CACNA1C: variants seen among roughly 807,000 people sequenced by gnomAD.
CACNA1C encodes the protein calcium voltage-gated channel subunit alpha1 C, also known as voltage-dependent L-type calcium channel subunit alpha-1C.
Under a neutral mutation model 229.0 loss-of-function variants are expected in CACNA1C, and 30 were observed. The ratio of observed to expected loss-of-function variants is 0.13; its 90% CI spans 0.10 to 0.18. The LOEUF (loss-of-function observed/expected upper bound fraction) is 0.18, where lower values mean the gene tolerates loss of function less well. Ranked by LOEUF, CACNA1C falls within the 10% of genes least tolerant of loss-of-function variation. The pLI is 1.00. For missense variants in CACNA1C, 1,658 were observed against 2,845.0 expected, an observed-to-expected ratio of 0.58 and a Z score of 9.49; for synonymous variants, 1,114 against 1,132.5, an observed-to-expected ratio of 0.98 and a Z score of 0.33.
At chr12:2,441,063 C>T (rs2154561013) in intron 3 of CACNA1C, among the ~76,000 whole-genome samples, 1 of 152,328 alleles carries the variant, frequency 6.6e-6, no homozygotes, top group Middle Eastern at 3.4e-3. Flanking sequence ...ATACAGCGTG[C>T]TGCTTGAGGT....
intron 39 of CACNA1C, among the ~76,000 whole-genome samples, chr12:2,675,583 CG>C (rs2096766086): frequency 6.6e-6 from 1 of 152,182 alleles, no homozygotes; most frequent in Non-Finnish European, 1.5e-5. Flanking sequence ...TTCCAAAATG[CG>C]AACCTCTCTT....
At chr12:2,306,679 A>G (rs1233826683) in intron 3 of CACNA1C, among the ~76,000 whole-genome samples, 1 of 152,112 alleles carries the variant, frequency 6.6e-6, no homozygotes, top group Non-Finnish European at 1.5e-5. Context: ...GCTGGATAAA[A>G]TTTTCTTGTA....
At chr12:2,629,922 G>A (rs143136132) in intron 29 of CACNA1C, among the ~76,000 whole-genome samples, 199 of 152,324 alleles carry the variant, frequency 1.3e-3, no homozygotes, top group Middle Eastern at 0.01. Flanking sequence ...TAGGTACTGG[G>A]ACCTGCCCTG....
At chr12:2,019,191 G>A (rs1318600329) in intron 1 of CACNA1C, among the ~76,000 whole-genome samples, 1 of 152,168 alleles carries the variant, frequency 6.6e-6, no homozygotes, top group African/African-American at 2.4e-5. Flanking sequence ...GCTGGGTACA[G>A]TGGCTCACAC....
Position 2,053,448 on chromosome 12 carries a change from A to T in CACNA1C, c.-115A>T. ...ACGCTGCAGACCACGGCTTCCTCGA[A>T]TCTTGCGCGAAAGCCGCCGGCCTCG... On this transcript the variant is annotated 5_prime_UTR_variant, in exon 1 of 47. Transcript: ENST00000399655. The surrounding 1 kb of genome is among the most constrained non-coding windows in gnomAD (Gnocchi z 5.8). The T allele has an allele frequency of 6.8e-7, 1 of 1,475,328 alleles. No homozygotes were observed. The allele number at this position is 1,475,328 out of a possible 1,614,324, so 91.4% of individuals were successfully genotyped here. A position where few individuals can be genotyped will look rare whatever the true frequency, so the allele number is the denominator to read the frequency against.
intron 11 of CACNA1C, among the ~76,000 whole-genome samples, chr12:2,557,644 G>A (rs1358822936): frequency 6.6e-6 from 1 of 152,220 alleles, no homozygotes; most frequent in Non-Finnish European, 1.5e-5. Context: ...CAGACCCTCA[G>A]ATGTGACTGC....
rs982505176 is a variant in CACNA1C, at chr12:2,298,930, C to G, written c.478-150046C>G. 1.8e-4 allele frequency among the ~76,000 whole-genome samples: 27 copies of G among 152,230 alleles called. 1 individual carries two copies. The highest frequency in any genetic ancestry group is 3.2e-4 in the Non-Finnish European group (22 of 68,046). On this transcript the variant is annotated intron_variant, in intron 3 of 46. Coordinates refer to ENST00000399655, the MANE Select transcript of CACNA1C (RefSeq NM_000719.7). ...AGAGTAACACTGTTGTGGCTCCCAC[C>G]TCCGGGGACTTCATAGGTTTGAGTA...
At chr12:2,400,590 A>G (rs1308127637) in intron 3 of CACNA1C, among the ~76,000 whole-genome samples, 1 of 152,208 alleles carries the variant, frequency 6.6e-6, no homozygotes, top group Non-Finnish European at 1.5e-5. Flanking sequence ...TAATGCAAAT[A>G]ACGTGCTTAG....
At chr12:2,572,414 TG>T (rs2055599627) in intron 13 of CACNA1C, among the ~76,000 whole-genome samples, 2 of 12,006 alleles carry the variant, frequency 1.7e-4, no homozygotes, top group Non-Finnish European at 3.1e-4. Flanking sequence ...CTCCTCCTCC[TG>T]TTCCTCCTCC....
chr12:2,488,846 C>T lies in CACNA1C; in HGVS notation c.916+2584C>T, dbSNP rs1029902148. ...ACTCTGCAATCAGGAGCTTGCTGTC[C>T]CTTCGTTCCCAAACCTGCCGTCTGA... On this transcript the variant is annotated intron_variant, in intron 6 of 46. Coordinates refer to ENST00000399655, the MANE Select transcript of CACNA1C (RefSeq NM_000719.7). The surrounding 1 kb of genome is among the most constrained non-coding windows in gnomAD (Gnocchi z 4.0). Among the ~76,000 whole-genome samples the T allele has an allele frequency of 6.6e-6, 1 of 152,180 alleles. No homozygotes were observed. Among genetic ancestry groups the T allele is most frequent in the African/African-American group, 2.4e-5 (1 of 41,436 alleles).
At chr12:2,280,279 G>A (rs561187192) in intron 3 of CACNA1C, among the ~76,000 whole-genome samples, 4 of 80,656 alleles carry the variant, frequency 5.0e-5, no homozygotes, top group African/African-American at 3.6e-4. Flanking sequence ...ATACCTTGCT[G>A]TGCTTCGGTT....
intron 1 of CACNA1C, among the ~76,000 whole-genome samples, chr12:2,062,049 G>T (rs1476597894): frequency 6.6e-6 from 1 of 152,162 alleles, no homozygotes; most frequent in Non-Finnish European, 1.5e-5. Flanking sequence ...TCATCAAAAA[G>T]TATGCTGGGA....
chr12:2,261,651 CATT>C (rs1191310929), intron 3 of CACNA1C, among the ~76,000 whole-genome samples: 5 of 152,172 alleles, frequency 3.3e-5, no homozygotes, highest in Admixed American at 2.6e-4. Flanking sequence ...CTGAGTAAAA[CATT>C]ATTACAAACA....
intron 3 of CACNA1C, among the ~76,000 whole-genome samples, chr12:2,391,624 G>A (rs1387392441): frequency 6.6e-6 from 1 of 152,176 alleles, no homozygotes; most frequent in African/African-American, 2.4e-5. Flanking sequence ...ACAAGGTGTA[G>A]CCTACTCCTT....
intron 3 of CACNA1C, among the ~76,000 whole-genome samples, chr12:2,303,036 CCTT>C (rs2094698624): frequency 6.6e-6 from 1 of 152,258 alleles, no homozygotes; most frequent in Non-Finnish European, 1.5e-5. Context: ...CAGAGCTCCT[CCTT>C]CTCCCAGGAC....
At chr12:2,324,519 G>A (rs543353713) in intron 3 of CACNA1C, among the ~76,000 whole-genome samples, 1 of 152,284 alleles carries the variant, frequency 6.6e-6, no homozygotes, top group African/African-American at 2.4e-5. Context: ...TGGGTCCCGC[G>A]CTTGCACTCG....
At position 2,602,813 on chromosome 12, in the gene CACNA1C, T is replaced by G. The variant is rs1467652716; in HGVS notation, c.2960+853T>G. On this transcript the variant is annotated intron_variant, in intron 22 of 46. Coordinates refer to ENST00000399655, the MANE Select transcript of CACNA1C (RefSeq NM_000719.7). The surrounding 1 kb of genome is among the most constrained non-coding windows in gnomAD (Gnocchi z 4.4). The stretch of plus-strand genomic sequence containing the variant: ...CCAGTTTCTACCAAGTTCTAACAGC[T>G]GATAGTGTGAATCCTACACTTTAAC... 1.3e-5 allele frequency among the ~76,000 whole-genome samples: 2 copies of G among 152,166 alleles called. No homozygotes were observed. Among genetic ancestry groups the G allele is most frequent in the Non-Finnish European group, 2.9e-5 (2 of 68,030 alleles).
chr12:2,551,145 T>C (rs2099901149), intron 10 of CACNA1C, among the ~76,000 whole-genome samples: 1 of 152,116 alleles, frequency 6.6e-6, no homozygotes, highest in South Asian at 2.1e-4. Flanking sequence ...AGTCTGTCAG[T>C]TCTAGGCCTT....
Position 2,249,981 on chromosome 12 carries a change from T to C in CACNA1C, c.477+129551T>C, listed in dbSNP as rs376478897. On this transcript the variant is annotated intron_variant, in intron 3 of 46. Coordinates refer to ENST00000399655, the MANE Select transcript of CACNA1C (RefSeq NM_000719.7). Reference sequence around the variant, plus strand: ...CCGCCACCACGCCTGGCTAATTTTTTGTATTTTCAGTGGAGACGGGGTTTC... The same window carrying C: ...CCGCCACCACGCCTGGCTAATTTTTCGTATTTTCAGTGGAGACGGGGTTTC... Among the ~76,000 whole-genome samples the C allele has an allele frequency of 7.5e-4, 114 of 152,278 alleles. 1 individual carries two copies. The South Asian group carries it at 0.023, about 31-fold the overall frequency.
Sources: gnomAD v4.1 joint callset for allele counts (sites outside exome capture counted in the v4.1 genomes callset) on GRCh38, gnomAD v4.1.1 for gene constraint, Gnocchi (gnomAD v3.1) non-coding constraint, MANE v1.5 for transcripts, NCBI Gene and HGNC (gene_info 2026-07-23, HGNC 2026-07-21) for gene names.